TMC3: variants seen among roughly 807,000 people sequenced by gnomAD.
TMC3 encodes the protein transmembrane channel-like protein 3.
In TMC3, 98 loss-of-function variants were observed where a neutral mutation model predicts 110.6. That is an observed-to-expected ratio of 0.89 (90% CI 0.75 to 1.05). TMC3 has a LOEUF of 1.05. Ranked by LOEUF, TMC3 falls within the 50% of genes least tolerant of loss-of-function variation. TMC3 has a pLI of 0.00. For synonymous variants in TMC3, 489 were observed against 513.1 expected, an observed-to-expected ratio of 0.95 and a Z score of 0.63; for missense variants, 1,319 against 1,373.2, an observed-to-expected ratio of 0.96 and a Z score of 0.62.
chr15:81,349,283 T>G (rs551249389), intron 11 of TMC3, among the ~76,000 whole-genome samples, 175 bp downstream of exon 11: 1 of 151,940 alleles, frequency 6.6e-6, no homozygotes, highest in Admixed American at 6.6e-5. Context: ...CCCTGCCTCC[T>G]CCCCTATCCC....
intron 19 of TMC3, 83 bp from the exon 20 acceptor site, chr15:81,336,734 AT>A: frequency 7.3e-7 from 1 of 1,373,642 alleles, no homozygotes; most frequent in South Asian, 1.2e-5. Context: ...AGAGAAAAAG[AT>A]TTACATGCCA....
rs201832940 is a variant in TMC3 at position 81,332,775 on chromosome 15, G to C, written c.2947C>G (p.Arg983Gly). The C allele has an allele frequency of 1.8e-5, 29 of 1,611,320 alleles. No homozygotes were observed. Among genetic ancestry groups the C allele is most frequent in the Non-Finnish European group, 2.5e-5 (29 of 1,178,856 alleles). ...YIGERSESQTRDPEHQGRVHY... is the reference protein window; with the variant it reads ...YIGERSESQTGDPEHQGRVHY... ...ACCCTCCCCTGGTGCTCGGGATCCC[G>C]GGTCTGACTTTCGGACCTCTCCCCA... The change falls in exon 22 of 22, where the codon CGG becomes GGG. Residue 983 changes from arginine (R) to glycine (G), a missense_variant. Physicochemically the swap from Arg to Gly is moderately radical, Grantham distance 125. Transcript: ENST00000359440.
intron 3 of TMC3, among the ~76,000 whole-genome samples, chr15:81,367,787 A>G (rs1203876984): frequency 4.6e-5 from 7 of 152,300 alleles, no homozygotes; most frequent in East Asian, 1.9e-4. Flanking sequence ...GGAAATTCAT[A>G]CTTTTCAACT....
intron 1 of TMC3, 94 bp from the exon 2 acceptor site, chr15:81,372,831 G>C: frequency 1.6e-6 from 2 of 1,287,062 alleles, no homozygotes; most frequent in Non-Finnish European, 1.1e-6. Flanking sequence ...GCATCTCACT[G>C]CCCTAGGGTC....
At chr15:81,347,472 A>G (rs78992305) in intron 11 of TMC3, among the ~76,000 whole-genome samples, 5,088 of 152,254 alleles carry the variant, frequency 0.033, 132 homozygotes, top group East Asian at 0.15. Context: ...TTGAGACGGG[A>G]TTCCCGTGGG....
At chr15:81,343,436 C>G in intron 14 of TMC3, 91 bp from the exon 15 acceptor site, 1 of 815,198 alleles carries the variant, frequency 1.2e-6, no homozygotes, top group Non-Finnish European at 2.1e-6. Context: ...GACTTCTTTG[C>G]TCTTATGAAC....
At chr15:81,365,104 C>T (rs148971624) in intron 3 of TMC3, among the ~76,000 whole-genome samples, 6,841 of 152,050 alleles carry the variant, frequency 0.045, 122 homozygotes, top group East Asian at 0.083. Flanking sequence ...TAAAAACAAA[C>T]GTTTCCATAA....
In TMC3 at chr15:81,333,081, T is replaced by A. The variant is rs760581998; in HGVS notation, c.2641A>T (p.Arg881Trp). 7.4e-6 allele frequency: 12 copies of A among 1,614,026 alleles called. No individual in the cohort carries two copies. The highest frequency in any genetic ancestry group is 6.8e-6 in the Non-Finnish European group (8 of 1,179,886). The change falls in exon 22 of 22, where the codon AGG becomes TGG. Residue 881 changes from arginine (R) to tryptophan (W), a missense_variant. Transcript: ENST00000359440. ...QASTLLAQGP[R>W]PHAPRYYVIN... is the part of the protein sequence containing the mutation. ...ACATAGTATCTGGGGGCGTGGGGCC[T>A]GGGACCCTGTGCCAGCAAAGTCGAG... is the stretch of plus-strand genomic sequence containing the variant.
rs745736572 is a variant in TMC3, at chr15:81,372,585, C to T, written c.236+6G>A. On this transcript the variant is annotated splice_donor_region_variant and intron_variant, in intron 2 of 21. Transcript: ENST00000359440. Reference sequence around the variant, plus strand: ...AATGATCAATAATGGCCATTGAGGCCCTTACCTCAATGCCCTCAGCTTCTG... The same window carrying T: ...AATGATCAATAATGGCCATTGAGGCTCTTACCTCAATGCCCTCAGCTTCTG... The T allele has an allele frequency of 6.2e-7, 1 of 1,613,072 alleles. No individual in the cohort carries two copies. Among genetic ancestry groups the T allele is most frequent in the South Asian group, 1.1e-5 (1 of 91,030 alleles).
At position 81,332,773 on chromosome 15, in the gene TMC3, C is replaced by T; in HGVS notation, c.2949G>A (p.Arg983=). Residue 983 remains arginine, a synonymous_variant, in exon 22 of 22, where the codon CGG becomes CGA. Transcript: ENST00000359440. ...YIGERSESQT[R]DPEHQGRVHY... ...GCACCCTCCCCTGGTGCTCGGGATC[C>T]CGGGTCTGACTTTCGGACCTCTCCC... 1.9e-6 allele frequency: 3 copies of T among 1,611,796 alleles called. No individual in the cohort carries two copies. Among genetic ancestry groups the T allele is most frequent in the Non-Finnish European group, 2.5e-6 (3 of 1,178,988 alleles).
rs114411068 is a variant in TMC3, at chr15:81,341,742, T to C, written c.1716-224A>G. ...TGATCCTATTTTAAAATATTATATT[T>C]GCAAAGGACAACTGTTTGTCTCTCT... On this transcript the variant is annotated intron_variant, in intron 15 of 21. Coordinates refer to ENST00000359440, the MANE Select transcript of TMC3 (RefSeq NM_001080532.3). 228 of 324,574 alleles carry C rather than the reference T, an allele frequency of 7.0e-4. 1 individual carries two copies. The highest frequency in any genetic ancestry group is 4.6e-3 in the African/African-American group (215 of 47,252). 20.1% of individuals were successfully genotyped at this position (324,574 alleles called of 1,614,324 possible).
chr15:81,364,532 T>G, intron 3 of TMC3, among the ~76,000 whole-genome samples: 2 of 70,634 alleles, frequency 2.8e-5, no homozygotes, highest in African/African-American at 5.7e-5. Flanking sequence ...GGGACTGTGG[T>G]GGGGTCGGGG....
chr15:81,369,134 T>C (rs550933260), intron 2 of TMC3, among the ~76,000 whole-genome samples: 1 of 152,126 alleles, frequency 6.6e-6, no homozygotes, highest in East Asian at 1.9e-4. Flanking sequence ...ACTTAGTTCT[T>C]CTGAATTAGC....
intron 3 of TMC3, among the ~76,000 whole-genome samples, chr15:81,365,661 ACT>A (rs1567070081): frequency 7.3e-6 from 1 of 136,476 alleles, no homozygotes; most frequent in African/African-American, 2.9e-5. Flanking sequence ...ACAGAGCAAG[ACT>A]CTGTCTCAAA....
Position 81,343,975 on chromosome 15 carries a change from C to A in TMC3, c.1589G>T (p.Arg530Leu), listed in dbSNP as rs371581223. Residue 530 changes from arginine (R) to leucine (L), a missense_variant, in exon 14 of 22, where the codon CGA (arginine) becomes CTA (leucine). Arg to Leu is a moderately radical substitution (Grantham distance 102). Coordinates refer to ENST00000359440, the MANE Select transcript of TMC3 (RefSeq NM_001080532.3). ...ACTTAAGTACCGCACGAAAAGTCCT[C>A]GGAAGAAGTCTATGAGCAGAATGCT... ...VASILLIDFFRGLFVRYLSDY... is the reference protein window; with the variant it reads ...VASILLIDFFLGLFVRYLSDY... 2 of 1,613,242 alleles carry A rather than the reference C, an allele frequency of 1.2e-6. No homozygotes were observed. Among genetic ancestry groups the A allele is most frequent in the Admixed American group, 1.7e-5 (1 of 60,002 alleles).
chr15:81,341,485 C>T lies in TMC3; in HGVS notation c.1749G>A (p.Ala583=), dbSNP rs758084232. The T allele has an allele frequency of 9.9e-6, 16 of 1,610,874 alleles. No homozygotes were observed. Among genetic ancestry groups the T allele is most frequent in the African/African-American group, 2.7e-5 (2 of 74,828 alleles). Residue 583 remains alanine (A), a synonymous_variant, in exon 16 of 22, where the codon GCG becomes GCA. Transcript: ENST00000359440. ...MGAFFSPCLP[A]FNVLKLIGLM... ...GCCCAATGAGTTTGAGAACGTTGAACGCTGGGAGACATGGGGAGAAGAAGG... is the reference window on the plus strand; with the variant it reads ...GCCCAATGAGTTTGAGAACGTTGAATGCTGGGAGACATGGGGAGAAGAAGG...
intron 4 of TMC3, among the ~76,000 whole-genome samples, chr15:81,360,889 A>C (rs1894173390): frequency 6.6e-6 from 1 of 152,006 alleles, no homozygotes; most frequent in South Asian, 2.1e-4. Flanking sequence ...AGGAAAGGGT[A>C]GACTAGCCAA....
chr15:81,372,562 T>C (rs779047645), intron 2 of TMC3, 29 bp downstream of exon 2: 2 of 1,612,272 alleles, frequency 1.2e-6, no homozygotes, highest in Non-Finnish European at 1.7e-6. Context: ...ATGCTTGTAA[T>C]GATCAATAAT....
intron 18 of TMC3, 128 bp from the exon 19 acceptor site, chr15:81,338,052 C>T: frequency 1.4e-6 from 1 of 715,326 alleles, no homozygotes; most frequent in East Asian, 2.7e-5. Flanking sequence ...TCCACTGACC[C>T]TCCGCTAAGG....
Sources: allele counts gnomAD v4.1 joint callset (sites outside exome capture counted in the v4.1 genomes callset), GRCh38; gene constraint gnomAD v4.1.1; transcripts MANE v1.5; gene names NCBI Gene and HGNC (gene_info 2026-07-23, HGNC 2026-07-21).